MGST1: variants seen among roughly 807,000 people sequenced by gnomAD.
The protein encoded by MGST1 is microsomal glutathione S-transferase 1.
MGST1 carries 5 observed loss-of-function variants against 8.9 expected under a neutral mutation model. The ratio of observed to expected loss-of-function variants is 0.56; its 90% CI spans 0.29 to 1.19. The LOEUF (loss-of-function observed/expected upper bound fraction) is 1.19, where lower values mean the gene tolerates loss of function less well. MGST1 is among the 50% of genes most tolerant of loss of function. MGST1 has a pLI of 0.08. For missense variants in MGST1, 182 were observed against 187.4 expected, an observed-to-expected ratio of 0.97 and a Z score of 0.17; for synonymous variants, 54 against 67.8, an observed-to-expected ratio of 0.80 and a Z score of 1.00.
chr12:16,413,896 A>G lies in MGST1; in HGVS notation n.779-23492A>G, dbSNP rs1437271444. Among the ~76,000 whole-genome samples the G allele has an allele frequency of 1.3e-5, 2 of 152,162 alleles. No individual in the cohort carries two copies. Among genetic ancestry groups the G allele is most frequent in the African/African-American group, 4.8e-5 (2 of 41,450 alleles). Reference sequence around the variant, plus strand: ...ATGAAAGTATACATATATTAATATGAATATGTGAATGTATATTATTTTCTT... The same window carrying G: ...ATGAAAGTATACATATATTAATATGGATATGTGAATGTATATTATTTTCTT... On this transcript the variant is annotated intron_variant and non_coding_transcript_variant, in intron 1 of 1. Transcript: ENST00000359720. The surrounding 1 kb of genome is among the most constrained non-coding windows in gnomAD (Gnocchi z 4.0).
At chr12:16,358,477 T>G (rs913595617) in intron 3 of MGST1, among the ~76,000 whole-genome samples, 5 of 152,124 alleles carry the variant, frequency 3.3e-5, no homozygotes, top group African/African-American at 4.8e-5. Flanking sequence ...CATTCTTTTT[T>G]TTTTTTTGAG....
At position 16,413,778 on chromosome 12, in the gene MGST1, A is replaced by G. The variant is rs1475269678; in HGVS notation, n.779-23610A>G. On this transcript the variant is annotated intron_variant and non_coding_transcript_variant, in intron 1 of 1. Transcript: ENST00000359720. The surrounding 1 kb of genome is among the most constrained non-coding windows in gnomAD (Gnocchi z 4.0). Reference sequence around the variant, plus strand: ...TTTGTTTACATTTGTTTCCACTTCTAGACTATGCAATTAATAGTGTTATTT... The same window carrying G: ...TTTGTTTACATTTGTTTCCACTTCTGGACTATGCAATTAATAGTGTTATTT... Among the ~76,000 whole-genome samples, 2 of 152,212 alleles carry G rather than the reference A, an allele frequency of 1.3e-5. No individual in the cohort carries two copies. Among genetic ancestry groups the G allele is most frequent in the African/African-American group, 4.8e-5 (2 of 41,444 alleles).
downstream of MGST1, among the ~76,000 whole-genome samples, chr12:16,441,255 A>C (rs1026761750): frequency 1.3e-5 from 2 of 151,756 alleles, no homozygotes; most frequent in African/African-American, 4.8e-5. Context: ...CCCTACTCCC[A>C]CCCAGGCATA....
In MGST1 at chr12:16,362,449, GGA is replaced by G. The variant is rs1487764215; in HGVS notation, c.222-1342_222-1341del. On this transcript the variant is annotated intron_variant, in intron 3 of 3. Coordinates refer to ENST00000396210, the MANE Select transcript of MGST1 (RefSeq NM_020300.5). This position sits in a 1 kb window ranked among gnomAD's most constrained non-coding sequence, Gnocchi z 4.4. ...AGACAAGACAAAGGAAAGGAGAGGA[GGA>G]GAGTGACGATCGTTGAGCAGGCAAT... 1 of 152,140 alleles carries G rather than the reference GGA, an allele frequency of 6.6e-6. No homozygotes were observed. Among genetic ancestry groups the G allele is most frequent in the African/African-American group, 2.4e-5 (1 of 41,436 alleles). 9.4% of individuals were successfully genotyped at this position (152,140 alleles called of 1,614,324 possible).
chr12:16,399,937 G>C, intron 1 of MGST1: 2 of 1,301,172 alleles, frequency 1.5e-6, no homozygotes, highest in Non-Finnish European at 2.2e-6. Context: ...CACAAAAGGT[G>C]GCCATTCCAT....
intron 4 of MGST1, among the ~76,000 whole-genome samples, chr12:16,492,850 A>G (rs987823224): frequency 6.6e-6 from 1 of 152,208 alleles, no homozygotes; most frequent in Non-Finnish European, 1.5e-5. Context: ...GTATATTTAC[A>G]TGAAAGACCA....
At chr12:16,580,515 G>A (rs1943126375) in intron 4 of MGST1, among the ~76,000 whole-genome samples, 2 of 152,138 alleles carry the variant, frequency 1.3e-5, no homozygotes, top group East Asian at 1.9e-4. Context: ...ATCTTGATTT[G>A]GAAAACCTTT....
chr12:16,372,318 CAAAT>C (rs549523257), intron 3 of MGST1, among the ~76,000 whole-genome samples: 21 of 152,040 alleles, frequency 1.4e-4, no homozygotes, highest in African/African-American at 5.1e-4. Flanking sequence ...ATAAGAAGCT[CAAAT>C]AACTCAATAG....
intron 1 of MGST1, among the ~76,000 whole-genome samples, chr12:16,420,815 G>T (rs1480610421): frequency 6.6e-6 from 1 of 152,158 alleles, no homozygotes; most frequent in Non-Finnish European, 1.5e-5. Flanking sequence ...TTCTTAGCAG[G>T]TGAGGGAATG....
At chr12:16,463,012 C>G (rs1247486634) in intron 4 of MGST1, among the ~76,000 whole-genome samples, 7 of 152,146 alleles carry the variant, frequency 4.6e-5, no homozygotes, top group African/African-American at 1.7e-4. Flanking sequence ...CACCCTTTCT[C>G]TCTCTTGAAG....
At chr12:16,571,847 T>C (rs1000738511) in intron 4 of MGST1, among the ~76,000 whole-genome samples, 4 of 152,044 alleles carry the variant, frequency 2.6e-5, no homozygotes, top group East Asian at 1.9e-4. Flanking sequence ...ACTTGTAACA[T>C]TGTCTTAAAA....
chr12:16,533,224 T>G (rs1941732961), intron 4 of MGST1, among the ~76,000 whole-genome samples: 1 of 152,226 alleles, frequency 6.6e-6, no homozygotes, highest in East Asian at 1.9e-4. Context: ...ACTAGAATTA[T>G]GGATAATCTG....
At chr12:16,502,316 C>T (rs1290505867) in intron 4 of MGST1, among the ~76,000 whole-genome samples, 1 of 152,250 alleles carries the variant, frequency 6.6e-6, no homozygotes, top group East Asian at 1.9e-4. Flanking sequence ...AAATTCATGG[C>T]TCTTAATCCA....
At chr12:16,400,367 G>A (rs546689378) in intron 1 of MGST1, 22 of 823,866 alleles carry the variant, frequency 2.7e-5, no homozygotes, top group East Asian at 2.2e-4. Context: ...GATATGAAGC[G>A]GAAGCCATTG....
At chr12:16,516,249 A>G (rs1941614553) in intron 4 of MGST1, among the ~76,000 whole-genome samples, 1 of 152,202 alleles carries the variant, frequency 6.6e-6, no homozygotes, top group Non-Finnish European at 1.5e-5. Flanking sequence ...AGCTCAAGCT[A>G]TTGTTACTTT....
chr12:16,551,539 T>A (rs1396980704), intron 4 of MGST1, among the ~76,000 whole-genome samples: 1 of 151,504 alleles, frequency 6.6e-6, no homozygotes, highest in Non-Finnish European at 1.5e-5. Context: ...TGCCTTTGCA[T>A]GCAAAAATTC....
At chr12:16,534,813 A>G (rs1446193204) in intron 4 of MGST1, among the ~76,000 whole-genome samples, 1 of 152,160 alleles carries the variant, frequency 6.6e-6, no homozygotes, top group Non-Finnish European at 1.5e-5. Flanking sequence ...TAGGCAATCA[A>G]TTGGGAAATG....
At chr12:16,366,662 CACATACACACACACAT>C (rs1940197269), downstream of MGST1, among the ~76,000 whole-genome samples, 6 of 31,580 alleles carry the variant, frequency 1.9e-4, no homozygotes, top group East Asian at 0.014. The surrounding 1 kb of genome is among the most constrained non-coding windows in gnomAD (Gnocchi z 4.0). Context: ...CACACACACA[CACATACACACACACAT>C]ACTACCATCA....
At chr12:16,509,510 A>G (rs1160615492) in intron 4 of MGST1, among the ~76,000 whole-genome samples, 1 of 152,216 alleles carries the variant, frequency 6.6e-6, no homozygotes, top group Non-Finnish European at 1.5e-5. Context: ...GGGAACTAGA[A>G]GACTAAAGAG....
Sources: gnomAD v4.1 joint callset for allele counts (sites outside exome capture counted in the v4.1 genomes callset) on GRCh38, gnomAD v4.1.1 for gene constraint, Gnocchi (gnomAD v3.1) non-coding constraint, MANE v1.5 for transcripts, NCBI Gene and HGNC (gene_info 2026-07-23, HGNC 2026-07-21) for gene names.